The following LRP6 variants were observed in gnomAD, a reference collection of about 807,000 sequenced individuals.
LRP6 encodes the protein low-density lipoprotein receptor-related protein 6.
LRP6 carries 43 observed loss-of-function variants against 184.1 expected under a neutral mutation model. The ratio of observed to expected loss-of-function variants is 0.23; its 90% CI spans 0.18 to 0.30. The LOEUF (loss-of-function observed/expected upper bound fraction) is 0.30. LRP6 is among the 10% of genes least tolerant of loss of function. The pLI is 1.00. For missense variants in LRP6, 1,571 were observed against 2,005.3 expected (o/e 0.78, Z 4.14); for synonymous variants, 719 against 684.9 (o/e 1.05, Z -0.78).
At chr12:12,204,076 A>G (rs1324000892) in intron 2 of LRP6, among the ~76,000 whole-genome samples, 1 of 152,208 alleles carries the variant, frequency 6.6e-6, no homozygotes, top group Non-Finnish European at 1.5e-5. Flanking sequence ...TAACATCACC[A>G]ATAAGGGAAC....
intron 15 of LRP6, among the ~76,000 whole-genome samples, chr12:12,140,652 A>G (rs1052394685): frequency 1.3e-5 from 2 of 149,644 alleles, no homozygotes; most frequent in Non-Finnish European, 3.0e-5. Flanking sequence ...CGCCCAGGCT[A>G]GAGTGCAGTG....
intron 7 of LRP6, among the ~76,000 whole-genome samples, chr12:12,168,256 A>T (rs1484418037): frequency 6.6e-6 from 1 of 152,184 alleles, no homozygotes. Flanking sequence ...GAGGTAAACG[A>T]TATTTACATT....
At chr12:12,129,449 T>C (rs141630458) in intron 19 of LRP6, among the ~76,000 whole-genome samples, 1 of 152,348 alleles carries the variant, frequency 6.6e-6, no homozygotes, top group African/African-American at 2.4e-5. Flanking sequence ...CAGAGGTGCC[T>C]GTTTCACTCT....
intron 13 of LRP6, among the ~76,000 whole-genome samples, chr12:12,149,957 A>G (rs1950060177): frequency 6.6e-6 from 1 of 152,156 alleles, no homozygotes; most frequent in Non-Finnish European, 1.5e-5. Context: ...TGGAATACAC[A>G]GCTATTACTA....
rs1949815943 is a variant in LRP6, at chr12:12,135,180, C to T, written c.3728G>A (p.Cys1243Tyr). The change falls in exon 17 of 23, where the codon TGT becomes TAT. Residue 1243 changes from cysteine (C) to tyrosine (Y), a missense_variant. Physicochemically the swap from Cys to Tyr is radical, Grantham distance 194 (BLOSUM62 -2). Around this residue, in one of 4 missense-constraint regions of LRP6, gnomAD observed 763 missense variants for 859.5 expected, o/e 0.89. Transcript: ENST00000261349. The part of the protein sequence containing the change: ...HLVLLQDELS[C>Y]GEPPTCSPQQ... ...GAAAATTACAACATATTTACCTCCA[C>T]ATGATAGCTCATCTTGAAGTAGAAC... is the stretch of plus-strand genomic sequence containing the variant. The T allele has an allele frequency of 6.2e-7, 1 of 1,613,796 alleles. No individual in the cohort carries two copies. Among genetic ancestry groups the T allele is most frequent in the African/African-American group, 1.3e-5 (1 of 74,928 alleles).
chr12:12,225,798 G>C (rs550620495), intron 2 of LRP6, among the ~76,000 whole-genome samples: 1 of 148,716 alleles, frequency 6.7e-6, no homozygotes, highest in African/African-American at 2.5e-5. Flanking sequence ...CTTGAACCCG[G>C]GAGGCAGAGG....
rs151077608 is a variant in LRP6 at position 12,165,156 on chromosome 12, C to T, written c.1685G>A (p.Ser562Asn). The T allele has an allele frequency of 4.3e-6, 7 of 1,613,902 alleles. No individual in the cohort carries two copies. The African/African-American group carries it at 8.0e-5, about 18-fold the overall frequency. ...RRSIERVHKR[S>N]AEREVIIDQL... ...ATCTATGATCACTTCCCTCTCTGCA[C>T]TTCGTTTATGAACTCTTTCAATGCT... Residue 562 changes from serine (S) to asparagine (N), a missense_variant, in exon 8 of 23, where the codon AGT becomes AAT. Transcript: ENST00000261349.
chr12:12,148,776 A>C (rs559611297), intron 14 of LRP6, among the ~76,000 whole-genome samples, 166 bp downstream of exon 14: 1 of 152,196 alleles, frequency 6.6e-6, no homozygotes, highest in Non-Finnish European at 1.5e-5. Flanking sequence ...GAAATCAGAG[A>C]AAGTGTAAGA....
chr12:12,254,471 CACA>C (rs1217343675), intron 1 of LRP6, among the ~76,000 whole-genome samples: 2 of 152,160 alleles, frequency 1.3e-5, no homozygotes, highest in African/African-American at 2.4e-5. Flanking sequence ...ATCTATAACT[CACA>C]ACAATTTAAG....
At chr12:12,203,516 C>T (rs764697009) in intron 2 of LRP6, 116 bp from the exon 3 acceptor site, 32 of 824,054 alleles carry the variant, frequency 3.9e-5, no homozygotes, top group Non-Finnish European at 5.4e-5. Context: ...CTTGTAATCC[C>T]AGCACTCTGG....
chr12:12,157,962 G>C (rs1433453636), intron 12 of LRP6, among the ~76,000 whole-genome samples: 1 of 152,050 alleles, frequency 6.6e-6, no homozygotes, highest in African/African-American at 2.4e-5. Context: ...TAAAAATCAG[G>C]AGATGAGGGA....
At chr12:12,157,674 C>T (rs773736569) in intron 12 of LRP6, among the ~76,000 whole-genome samples, 1 of 152,128 alleles carries the variant, frequency 6.6e-6, no homozygotes, top group Non-Finnish European at 1.5e-5. Context: ...CACATTCTCT[C>T]AAGCACAAAA....
rs748299034 is a variant in LRP6 at position 12,130,874 on chromosome 12, C to T, written c.3990G>A (p.Gln1330=). 3 of 1,605,630 alleles carry T rather than the reference C, an allele frequency of 1.9e-6. No individual in the cohort carries two copies. The highest frequency in any genetic ancestry group is 2.2e-5 in the South Asian group (2 of 90,934). ...TGCACTGACCATTGGCACAGCGGAA[C>T]TGATCAATTAAACAAAGCACTGGAA... ...KNCEVLCLID[Q]FRCANGQCIG... Residue 1330 remains glutamine (Q), a synonymous_variant, in exon 19 of 23, where the codon CAG becomes CAA. Coordinates refer to ENST00000261349, the MANE Select transcript of LRP6 (RefSeq NM_002336.3).
At chr12:12,219,482 C>A (rs966680863) in intron 2 of LRP6, among the ~76,000 whole-genome samples, 1 of 152,170 alleles carries the variant, frequency 6.6e-6, no homozygotes, top group Non-Finnish European at 1.5e-5. Flanking sequence ...GGATTACAGG[C>A]GTGAGCCACC....
intron 2 of LRP6, among the ~76,000 whole-genome samples, chr12:12,221,499 C>T (rs1864488366): frequency 6.6e-6 from 1 of 152,124 alleles, no homozygotes; most frequent in Non-Finnish European, 1.5e-5. Flanking sequence ...ATACCTACAA[C>T]AAAAAATTTC....
Position 12,244,551 on chromosome 12 carries a change from C to A in LRP6, c.160G>T (p.Ala54Ser), listed in dbSNP as rs752381680. 1 of 1,614,228 alleles carries A rather than the reference C, an allele frequency of 6.2e-7. No homozygotes were observed. Among genetic ancestry groups the A allele is most frequent in the South Asian group, 1.1e-5 (1 of 91,090 alleles). Residue 54 changes from alanine (A) to serine (S), a missense_variant, in exon 2 of 23, where the codon GCT becomes TCT. By Grantham distance (99) the Ala-to-Ser change is moderately conservative. This residue lies in a region of LRP6 where 640 missense variants were observed against 851.9 expected (regional missense o/e 0.75). Transcript: ENST00000261349. ...TIVVGGLEDA[A>S]AVDFVFSHGL... is the part of the protein sequence containing the mutation. The stretch of plus-strand genomic sequence containing the variant: ...TGACTAAACACAAAGTCCACCGCAG[C>A]TGCATCCTCCAAGCCTCCAACTACA...
chr12:12,179,377 TATAGATATAG>T (rs1211210697), intron 7 of LRP6, among the ~76,000 whole-genome samples: 1 of 57,770 alleles, frequency 1.7e-5, no homozygotes, highest in Non-Finnish European at 4.5e-5. Context: ...TAGATATAGA[TATAGATATAG>T]ATATAGATAT....
chr12:12,190,527 A>G (rs1863586758), intron 3 of LRP6, among the ~76,000 whole-genome samples: 1 of 152,206 alleles, frequency 6.6e-6, no homozygotes, highest in Non-Finnish European at 1.5e-5. Flanking sequence ...ACCACTGCCA[A>G]TACCTCCCAG....
intron 1 of LRP6, among the ~76,000 whole-genome samples, chr12:12,258,003 T>C (rs1002397499): frequency 2.7e-5 from 4 of 150,874 alleles, no homozygotes; most frequent in Non-Finnish European, 4.4e-5. Flanking sequence ...ATCAGTGCAA[T>C]AGTTATATCC....
Sources: gnomAD v4.1 joint callset for allele counts (sites outside exome capture counted in the v4.1 genomes callset) on GRCh38, gnomAD v4.1.1 for gene constraint, gnomAD v4.1.1 regional missense constraint, MANE v1.5 for transcripts, NCBI Gene and HGNC (gene_info 2026-07-23, HGNC 2026-07-21) for gene names.